The following ACAD9 variants were observed in gnomAD, a reference collection of about 807,000 sequenced individuals.
ACAD9 encodes acyl-CoA dehydrogenase family member 9.
A neutral mutation model predicts 70.2 loss-of-function variants in ACAD9; 53 were observed. That is an observed-to-expected ratio of 0.75 (90% confidence interval 0.61 to 0.95). ACAD9 has a LOEUF of 0.95. ACAD9 is among the 40% of genes least tolerant of loss of function. ACAD9 has a pLI of 0.00. For synonymous variants in ACAD9, 313 were observed against 312.1 expected (o/e 1.00, Z -0.03); for missense variants, 777 against 802.8 (o/e 0.97, Z 0.39).
At position 128,897,682 on chromosome 3, in the gene ACAD9, A is replaced by T; in HGVS notation, c.605A>T (p.Lys202Met). ...IRSRATLSEDKKHYILNGSKV... is the reference protein window; with the variant it reads ...IRSRATLSEDMKHYILNGSKV... The stretch of plus-strand genomic sequence containing the variant: ...AGCAGAGCCACACTAAGTGAAGACA[A>T]GAAGCACTACATCCTCAATGGCTCC... The change falls in exon 6 of 18, where the codon AAG becomes ATG. Residue 202 changes from lysine (K) to methionine (M), a missense_variant. By Grantham distance (95) the Lys-to-Met change is moderately conservative. Transcript: ENST00000308982. The T allele has an allele frequency of 6.2e-7, 1 of 1,613,866 alleles. No individual in the cohort carries two copies. The highest frequency in any genetic ancestry group is 1.3e-5 in the African/African-American group (1 of 75,008).
At chr3:128,880,235 C>T (rs1300534572) in intron 1 of ACAD9, 1 of 367,258 alleles carries the variant, frequency 2.7e-6, no homozygotes, top group East Asian at 7.4e-5. Flanking sequence ...CCTGGGGCTT[C>T]CTTCCCCAGG....
intron 6 of ACAD9, among the ~76,000 whole-genome samples, chr3:128,899,015 G>A (rs1935652194): frequency 6.6e-6 from 1 of 152,174 alleles, no homozygotes. Context: ...TCTGGCGGTG[G>A]AGCCTGAGCT....
chr3:128,907,941 C>T (rs781663811), intron 12 of ACAD9, among the ~76,000 whole-genome samples: 10 of 152,328 alleles, frequency 6.6e-5, no homozygotes, highest in Admixed American at 1.3e-4. Context: ...GCTTGACACA[C>T]GTGAGGCTGG....
intron 15 of ACAD9, 132 bp downstream of exon 15, chr3:128,909,553 G>T (rs1407832574): frequency 1.4e-5 from 14 of 994,430 alleles, no homozygotes; most frequent in Non-Finnish European, 2.2e-5. Flanking sequence ...GGAGGGATGG[G>T]GTGGTGAGGT....
Position 128,901,683 on chromosome 3 carries a change from G to A in ACAD9, c.882+334G>A, listed in dbSNP as rs768932003. Among the ~76,000 whole-genome samples, 8 of 152,188 alleles carry A rather than the reference G, an allele frequency of 5.3e-5. No homozygotes were observed. The South Asian group carries it at 1.4e-3, about 28-fold the overall frequency. On this transcript the variant is annotated intron_variant, in intron 8 of 17. Coordinates refer to ENST00000308982, the MANE Select transcript of ACAD9 (RefSeq NM_014049.5). ...GTGTACCACAACCCTGGTCTGCATC[G>A]CTGCCCTACTCTTTTCTTTTTGGAC...
rs200824675 is a variant in ACAD9 at position 128,909,020 on chromosome 3, G to A, written c.1406G>A (p.Arg469Gln). 28 of 1,614,046 alleles carry A rather than the reference G, an allele frequency of 1.7e-5. No individual in the cohort carries two copies. The highest frequency in any genetic ancestry group is 2.2e-5 in the East Asian group (1 of 44,900). Reference sequence around the variant, plus strand: ...AGCACAGTCATGGATACCGTTGGCCGGAGGCTTCGGGACTCCCTGGGCCGA... The same window carrying A: ...AGCACAGTCATGGATACCGTTGGCCAGAGGCTTCGGGACTCCCTGGGCCGA... ...KVSTVMDTVG[R>Q]RLRDSLGRTV... The change falls in exon 14 of 18, where the codon CGG becomes CAG. Residue 469 changes from arginine to glutamine, a missense_variant. Physicochemically the swap from Arg to Gln is conservative, Grantham distance 43. Transcript: ENST00000308982.
intron 2 of ACAD9, 65 bp from the exon 3 acceptor site, chr3:128,893,490 C>G: frequency 8.2e-7 from 1 of 1,225,270 alleles, no homozygotes; most frequent in Non-Finnish European, 1.2e-6. Context: ...TAAACACTGT[C>G]CTGTTTACTT....
At chr3:128,891,161 AAG>A (rs1463389259) in intron 2 of ACAD9, among the ~76,000 whole-genome samples, 3 of 152,124 alleles carry the variant, frequency 2.0e-5, no homozygotes, top group African/African-American at 7.2e-5. Flanking sequence ...AATAGGAAAA[AAG>A]GATCTTGTAG....
chr3:128,884,926 GCTTCTC>G (rs1263864247), intron 2 of ACAD9, among the ~76,000 whole-genome samples, 180 bp downstream of exon 2: 1 of 152,178 alleles, frequency 6.6e-6, no homozygotes, highest in Non-Finnish European at 1.5e-5. Context: ...CCAGTTAAAT[GCTTCTC>G]ATTGTATTTG....
rs112743606 is a variant in ACAD9, at chr3:128,898,677, G to C, written c.634-610G>C. Among the ~76,000 whole-genome samples, 783 of 152,294 alleles carry C rather than the reference G, an allele frequency of 5.1e-3. 7 individuals carry two copies. The highest frequency in any genetic ancestry group is 0.018 in the African/African-American group (739 of 41,552). ...GGCCTCCCAAAGTGCTGGGATTACA[G>C]GCGTGAGCCACTGTGCCCAGCTAAT... On this transcript the variant is annotated intron_variant, in intron 6 of 17. Coordinates refer to ENST00000308982, the MANE Select transcript of ACAD9 (RefSeq NM_014049.5).
chr3:128,899,572 G>A (rs569405764), intron 7 of ACAD9, 111 bp downstream of exon 7: 1 of 1,235,478 alleles, frequency 8.1e-7, no homozygotes, highest in African/African-American at 1.5e-5. Context: ...GTAAGGGGGA[G>A]ACTGGCCCTT....
chr3:128,909,860 C>G (rs1936071142), intron 15 of ACAD9, 161 bp from the exon 16 acceptor site: 5 of 981,124 alleles, frequency 5.1e-6, no homozygotes, highest in Non-Finnish European at 6.2e-6. Flanking sequence ...CAGAAGGTGG[C>G]TGGGAGCCGT....
rs779431862 is a variant in ACAD9 at position 128,906,295 on chromosome 3, G to A, written c.1278+46G>A. ...CTAAGCTGTGCTCCACCCCCACCCT[G>A]CCTGGTCCTAAAGATGCTGCTCAGG... On this transcript the variant is annotated intron_variant, in intron 12 of 17. Coordinates refer to ENST00000308982, the MANE Select transcript of ACAD9 (RefSeq NM_014049.5). 1.9e-6 allele frequency: 3 copies of A among 1,611,054 alleles called. No homozygotes were observed. In the Admixed American group the frequency reaches 5.0e-5, roughly 27 times the overall value.
chr3:128,904,612 T>C, intron 11 of ACAD9, 107 bp downstream of exon 11: 2 of 1,517,922 alleles, frequency 1.3e-6, no homozygotes, highest in Non-Finnish European at 1.8e-6. Flanking sequence ...CCTCCTGTCA[T>C]TGATCCAGTA....
intron 2 of ACAD9, among the ~76,000 whole-genome samples, chr3:128,893,315 C>T (rs535656776): frequency 6.6e-6 from 1 of 152,216 alleles, no homozygotes; most frequent in Non-Finnish European, 1.5e-5. Flanking sequence ...TGCCACTGCA[C>T]TCCAGCCTGG....
chr3:128,909,206 T>C (rs1293915840), intron 14 of ACAD9, 107 bp downstream of exon 14: 3 of 1,598,194 alleles, frequency 1.9e-6, no homozygotes, highest in Middle Eastern at 1.7e-4. Context: ...CCAGGGGAAG[T>C]TGGGGAACAC....
Position 128,906,174 on chromosome 3 carries a change from C to T in ACAD9, c.1203C>T (p.Leu401=), listed in dbSNP as rs192615514. The change falls in exon 12 of 18, where the codon CTC becomes CTT. Residue 401 remains leucine, a synonymous_variant. Coordinates refer to ENST00000308982, the MANE Select transcript of ACAD9 (RefSeq NM_014049.5). ...GTGTGAGTGAGGCGCTGCAGATCCT[C>T]GGGGGCTTGGGCTACACAAGGGACT... is the stretch of plus-strand genomic sequence containing the variant. The part of the protein sequence containing the change: ...WQCVSEALQI[L]GGLGYTRDYP... 2.2e-5 allele frequency: 36 copies of T among 1,614,204 alleles called. 1 individual carries two copies. Among genetic ancestry groups the T allele is most frequent in the South Asian group, 3.3e-5 (3 of 91,084 alleles).
At position 128,896,496 on chromosome 3, in the gene ACAD9, G is replaced by A. The variant is rs761102100; in HGVS notation, c.514G>A (p.Gly172Arg). 8.7e-6 allele frequency: 14 copies of A among 1,614,060 alleles called. No individual in the cohort carries two copies. Among genetic ancestry groups the A allele is most frequent in the African/African-American group, 4.0e-5 (3 of 74,914 alleles). ...CAAATACTTGCCTAAACTGGCGTCC[G>A]GGGAGCACATTGCAGCCTTCTGCCT... ...KAKYLPKLAS[G>R]EHIAAFCLTE... The change falls in exon 5 of 18, where the codon GGG (glycine) becomes AGG (arginine). Residue 172 changes from glycine (G) to arginine (R), a missense_variant. Coordinates refer to ENST00000308982, the MANE Select transcript of ACAD9 (RefSeq NM_014049.5).
At chr3:128,896,382 T>C in intron 4 of ACAD9, 54 bp from the exon 5 acceptor site, 1 of 1,535,086 alleles carries the variant, frequency 6.5e-7, no homozygotes, top group Non-Finnish European at 9.0e-7. Context: ...CACAAACACC[T>C]CATGCTCTCC....
Sources: gnomAD v4.1 joint callset for allele counts (sites outside exome capture counted in the v4.1 genomes callset) on GRCh38, gnomAD v4.1.1 for gene constraint, MANE v1.5 for transcripts, NCBI Gene and HGNC (gene_info 2026-07-23, HGNC 2026-07-21) for gene names.